The following G3BP2 variants were observed in gnomAD, a reference collection of about 807,000 sequenced individuals.
G3BP2 encodes ras GTPase-activating protein-binding protein 2.
G3BP2 carries 11 observed loss-of-function variants against 56.7 expected under a neutral mutation model. The ratio of observed to expected loss-of-function variants is 0.19; its 90% CI spans 0.12 to 0.32. The LOEUF is 0.32. Among genes scored for constraint, G3BP2 ranks in the 10% least tolerant of loss-of-function variants. The pLI is 1.00. For synonymous variants in G3BP2, 165 were observed against 191.6 expected (o/e 0.86, Z 1.15); for missense variants, 340 against 610.9 (o/e 0.56, Z 4.67).
intron 1 of G3BP2, among the ~76,000 whole-genome samples, chr4:75,671,297 A>G (rs1733467187): frequency 6.6e-6 from 1 of 152,212 alleles, no homozygotes; most frequent in South Asian, 2.1e-4. Context: ...ATATGTGGAA[A>G]GTCTTTTTAA....
intron 3 of G3BP2, among the ~76,000 whole-genome samples, chr4:75,712,505 C>T (rs1512738): frequency 0.22 from 34,067 of 152,082 alleles, 4,083 homozygotes; most frequent in Middle Eastern, 0.37. Context: ...CCAGTTCTTA[C>T]AACTGACAAG....
At chr4:75,656,890 C>T (rs769436159) in intron 5 of G3BP2, 34 bp downstream of exon 5, 17 of 954,602 alleles carry the variant, frequency 1.8e-5, no homozygotes, top group Admixed American at 5.7e-5. Context: ...ACCAACAGAA[C>T]CCTTCTATCT....
rs1372189196 is a variant in G3BP2 at position 75,644,813 on chromosome 4, G to A, written c.*617C>T. 8 of 152,698 alleles carry A rather than the reference G, an allele frequency of 5.2e-5. No homozygotes were observed. The highest frequency in any genetic ancestry group is 5.2e-4 in the Admixed American group (8 of 15,284). 9.5% of individuals were successfully genotyped at this position (152,698 alleles called of 1,614,324 possible). A position where few individuals can be genotyped will look rare whatever the true frequency, so the allele number is the denominator to read the frequency against. The stretch of plus-strand genomic sequence containing the variant: ...TACTTGTAGTCTTGTTAAGGTTTAT[G>A]TGTACACACGCTGGTCACAGCAAGC... On this transcript the variant is annotated 3_prime_UTR_variant, in exon 12 of 12. Transcript: ENST00000359707.
intron 3 of G3BP2, among the ~76,000 whole-genome samples, chr4:75,718,482 T>C (rs1329306803): frequency 6.6e-6 from 1 of 152,170 alleles, no homozygotes; most frequent in Non-Finnish European, 1.5e-5. Flanking sequence ...CAAAAAAAAC[T>C]GGCAAGCAGT....
chr4:75,701,646 TC>T (rs1447332038), intron 3 of G3BP2, among the ~76,000 whole-genome samples: 2 of 152,136 alleles, frequency 1.3e-5, no homozygotes, highest in Admixed American at 1.3e-4. Flanking sequence ...CAGGCTGGTT[TC>T]AAACTCCTGA....
intron 2 of G3BP2, 90 bp from the exon 3 acceptor site, chr4:75,659,014 C>T (rs1384445091): frequency 8.5e-6 from 8 of 936,738 alleles, no homozygotes; most frequent in Non-Finnish European, 1.1e-5. Flanking sequence ...TTCCGGATCC[C>T]GCTCTGTCAC....
intron 8 of G3BP2, among the ~76,000 whole-genome samples, chr4:75,650,426 C>CAAAAAAAAAAA (rs1220235661): frequency 7.8e-5 from 6 of 76,726 alleles, no homozygotes; most frequent in East Asian, 3.1e-4. Flanking sequence ...AACTCCATCT[C>CAAAAAAAAAAA]AAAAAAAAAA....
At chr4:75,650,374 C>T (rs1044510457) in intron 8 of G3BP2, among the ~76,000 whole-genome samples, 10 of 134,006 alleles carry the variant, frequency 7.5e-5, no homozygotes, top group Non-Finnish European at 1.4e-4. Flanking sequence ...GCGGAGGTTG[C>T]GTGAGCAGAT....
chr4:75,705,706 T>G (rs1719519872), intron 3 of G3BP2, among the ~76,000 whole-genome samples: 1 of 152,102 alleles, frequency 6.6e-6, no homozygotes, highest in Middle Eastern at 3.2e-3. Flanking sequence ...ACAGCCACAT[T>G]CAGGATCTCC....
intron 1 of G3BP2, chr4:75,670,540 C>T (rs1207770077): frequency 6.6e-6 from 1 of 152,060 alleles, no homozygotes; most frequent in Non-Finnish European, 1.5e-5. Flanking sequence ...TTGAGGGAGG[C>T]TAGTTTTAAA....
intron 3 of G3BP2, among the ~76,000 whole-genome samples, 164 bp downstream of exon 3, chr4:75,658,679 A>C (rs1396715722): frequency 6.6e-6 from 1 of 151,790 alleles, no homozygotes; most frequent in Non-Finnish European, 1.5e-5. Flanking sequence ...GTGAGCTGAG[A>C]TCGCACCACT....
At chr4:75,646,665 T>C (rs1016500071) in intron 10 of G3BP2, among the ~76,000 whole-genome samples, 3 of 152,170 alleles carry the variant, frequency 2.0e-5, no homozygotes, top group African/African-American at 7.2e-5. Context: ...TGTGTTACCT[T>C]TCTGCATCTT....
intron 3 of G3BP2, among the ~76,000 whole-genome samples, chr4:75,681,396 A>G (rs1393616464): frequency 6.6e-6 from 1 of 152,158 alleles, no homozygotes; most frequent in Non-Finnish European, 1.5e-5. Flanking sequence ...GTCCCCCCTT[A>G]TCTGCAGAGG....
intron 3 of G3BP2, among the ~76,000 whole-genome samples, chr4:75,706,816 T>C: frequency 6.6e-6 from 1 of 152,184 alleles, no homozygotes; most frequent in African/African-American, 2.4e-5. Context: ...ACTAAAGGTC[T>C]ATGTTAAATG....
Position 75,661,934 on chromosome 4 carries a change from T to G in G3BP2, c.92A>C (p.His31Pro). Residue 31 changes from histidine (H) to proline (P), a missense_variant, in exon 2 of 12, where the codon CAC (histidine) becomes CCC (proline). Physicochemically the swap from His to Pro is moderately conservative, Grantham distance 77. This residue lies in a region of G3BP2 where 21 missense variants were observed against 83.7 expected (regional missense o/e 0.25). Transcript: ENST00000359707. ...TLLNKAPEYL[H>P]RFYGRNSSYV... is the part of the protein sequence containing the mutation. ...AAATTATTTGTTTAAAATTTACCTG[T>G]GTAAATATTCCGGAGCTTTATTCAG... 1 of 1,482,250 alleles carries G rather than the reference T, an allele frequency of 6.7e-7. No homozygotes were observed. The highest frequency in any genetic ancestry group is 9.4e-7 in the Non-Finnish European group (1 of 1,060,508). 91.8% of individuals were successfully genotyped at this position (1,482,250 alleles called of 1,614,324 possible).
At chr4:75,677,368 C>T (rs1433271322), upstream of G3BP2, among the ~76,000 whole-genome samples, 3 of 151,948 alleles carry the variant, frequency 2.0e-5, no homozygotes, top group Admixed American at 6.6e-5. Flanking sequence ...GTCAGGAGTT[C>T]GAGACCAGCC....
In G3BP2 at chr4:75,643,173, T is replaced by C. The variant is rs961351251; in HGVS notation, c.*2257A>G. The C allele has an allele frequency of 1.3e-5, 2 of 152,152 alleles. No individual in the cohort carries two copies. The highest frequency in any genetic ancestry group is 2.9e-5 in the Non-Finnish European group (2 of 67,886). 9.4% of individuals were successfully genotyped at this position (152,152 alleles called of 1,614,324 possible). On this transcript the variant is annotated 3_prime_UTR_variant, in exon 12 of 12. Transcript: ENST00000359707. ...ATGTTTTAATGTTTTATTCATGGTA[T>C]GTAAAGACTGAAGCTGAATGGCTCT...
chr4:75,648,365 C>A (rs199708038), intron 9 of G3BP2, among the ~76,000 whole-genome samples: 8 of 142,566 alleles, frequency 5.6e-5, no homozygotes, highest in East Asian at 2.1e-4. Context: ...AACAAACAAA[C>A]AAAAAAAAAA....
At chr4:75,709,704 C>T (rs1204434987) in intron 3 of G3BP2, among the ~76,000 whole-genome samples, 2 of 152,018 alleles carry the variant, frequency 1.3e-5, no homozygotes, top group Non-Finnish European at 2.9e-5. Context: ...GGGCGGGTTT[C>T]AGAGATGGGG....
Sources: allele counts gnomAD v4.1 joint callset (sites outside exome capture counted in the v4.1 genomes callset), GRCh38; gene constraint gnomAD v4.1.1; regional missense constraint gnomAD v4.1.1; transcripts MANE v1.5; gene names NCBI Gene and HGNC (gene_info 2026-07-23, HGNC 2026-07-21).